Variants in ACVR1 observed in about 807,000 individuals in gnomAD.
ACVR1 encodes activin A receptor type 1.
A neutral mutation model predicts 57.1 loss-of-function variants in ACVR1; 38 were observed. The observed-to-expected ratio is 0.67, with a 90% CI of 0.51 to 0.87. The LOEUF is 0.87. Ranked by LOEUF, ACVR1 falls within the 40% of genes least tolerant of loss-of-function variation. The pLI, the probability that ACVR1 is intolerant of heterozygous loss-of-function variation, is 0.00. For missense variants in ACVR1, 463 were observed against 638.2 expected (o/e 0.73, Z 2.96); for synonymous variants, 212 against 228.1 (o/e 0.93, Z 0.63).
intron 1 of ACVR1, among the ~76,000 whole-genome samples, chr2:157,821,432 C>T (rs1460802635): frequency 1.3e-5 from 2 of 151,724 alleles, no homozygotes; most frequent in Non-Finnish European, 2.9e-5. Flanking sequence ...GTCTGAGGCA[C>T]GAGACTCGCT....
intron 1 of ACVR1, among the ~76,000 whole-genome samples, chr2:157,842,142 A>AG (rs776979519): frequency 8.1e-4 from 123 of 152,260 alleles, no homozygotes; most frequent in Admixed American, 2.0e-3. Flanking sequence ...CACTGTCAAA[A>AG]GAAAAAGTAG....
intron 5 of ACVR1, among the ~76,000 whole-genome samples, chr2:157,776,904 A>G (rs578039364): frequency 6.6e-6 from 1 of 152,248 alleles, no homozygotes; most frequent in Non-Finnish European, 1.5e-5. Context: ...AGTAAAACTG[A>G]ATCACATTAG....
intron 1 of ACVR1, among the ~76,000 whole-genome samples, chr2:157,865,142 G>T (rs1043248626): frequency 1.3e-5 from 2 of 149,248 alleles, no homozygotes; most frequent in African/African-American, 2.5e-5. Flanking sequence ...TTTACTGGAA[G>T]GACCAAAAAA....
intron 9 of ACVR1, among the ~76,000 whole-genome samples, chr2:157,746,014 A>G (rs966185170): frequency 2.0e-5 from 3 of 152,202 alleles, no homozygotes; most frequent in African/African-American, 7.2e-5. Context: ...ACAAGATACA[A>G]ATGGTTTTTG....
chr2:157,795,352 T>C (rs1432803665), intron 3 of ACVR1, among the ~76,000 whole-genome samples: 1 of 150,654 alleles, frequency 6.6e-6, no homozygotes, highest in Non-Finnish European at 1.5e-5. Context: ...CTACTAAATA[T>C]ATAAAAACAA....
chr2:157,828,762 TTTTGTTTG>T (rs144178472), intron 1 of ACVR1, among the ~76,000 whole-genome samples: 1 of 151,914 alleles, frequency 6.6e-6, no homozygotes, highest in African/African-American at 2.4e-5. Flanking sequence ...TTTTTTGTTT[TTTTGTTTG>T]TTTGTTTGTT....
intron 9 of ACVR1, among the ~76,000 whole-genome samples, chr2:157,740,381 C>T (rs1684706530): frequency 6.6e-6 from 1 of 152,066 alleles, no homozygotes; most frequent in Non-Finnish European, 1.5e-5. Context: ...TCCCAGGAAA[C>T]ATTCAAACAA....
chr2:157,872,853 T>A (rs945683936), intron 1 of ACVR1, among the ~76,000 whole-genome samples: 1 of 152,164 alleles, frequency 6.6e-6, no homozygotes, highest in Admixed American at 6.5e-5. Flanking sequence ...CATCACCCAA[T>A]CCAAAAACCA....
intron 9 of ACVR1, among the ~76,000 whole-genome samples, chr2:157,748,440 T>G (rs1478954777): frequency 6.6e-6 from 1 of 152,184 alleles, no homozygotes; most frequent in Non-Finnish European, 1.5e-5. Context: ...CGAAGGTGTT[T>G]AAGAATGATT....
At chr2:157,828,878 T>C (rs898841104) in intron 1 of ACVR1, among the ~76,000 whole-genome samples, 2 of 152,106 alleles carry the variant, frequency 1.3e-5, no homozygotes, top group Non-Finnish European at 2.9e-5. Context: ...GCGATTTTTG[T>C]GCCTCAGCCT....
chr2:157,835,626 G>C (rs1351206255), intron 1 of ACVR1, among the ~76,000 whole-genome samples: 3 of 152,054 alleles, frequency 2.0e-5, no homozygotes, highest in Non-Finnish European at 4.4e-5. Flanking sequence ...GTATTGTGCT[G>C]AATCAGCTCC....
chr2:157,857,343 C>T (rs770988725), intron 1 of ACVR1, among the ~76,000 whole-genome samples: 3 of 151,900 alleles, frequency 2.0e-5, no homozygotes, highest in East Asian at 1.9e-4. Flanking sequence ...CCGACACCCA[C>T]GGTCTCAACA....
intron 1 of ACVR1, among the ~76,000 whole-genome samples, chr2:157,857,465 CA>C (rs1689575335): frequency 6.6e-6 from 1 of 151,940 alleles, no homozygotes; most frequent in South Asian, 2.1e-4. Flanking sequence ...AATACTGTAC[CA>C]GAGAGACCAG....
At chr2:157,770,286 C>T (rs1299919348) in intron 7 of ACVR1, 82 bp downstream of exon 7, 10 of 1,519,618 alleles carry the variant, frequency 6.6e-6, no homozygotes, top group Admixed American at 1.7e-5. Flanking sequence ...CTCGAATTCA[C>T]ATTCACCAAA....
At chr2:157,798,512 G>T (rs1438300013) in intron 3 of ACVR1, among the ~76,000 whole-genome samples, 1 of 122,440 alleles carries the variant, frequency 8.2e-6, no homozygotes, top group African/African-American at 3.1e-5. Context: ...TATCACATTT[G>T]GGCTTTTTTG....
At chr2:157,780,160 A>G (rs1412822901) in intron 4 of ACVR1, among the ~76,000 whole-genome samples, 177 bp downstream of exon 4, 1 of 152,230 alleles carries the variant, frequency 6.6e-6, no homozygotes, top group Non-Finnish European at 1.5e-5. Flanking sequence ...CTTCTTTTAG[A>G]TGCCAAAAGG....
At chr2:157,842,872 C>G (rs1689022669) in intron 1 of ACVR1, among the ~76,000 whole-genome samples, 3 of 151,960 alleles carry the variant, frequency 2.0e-5, no homozygotes. Context: ...TTTCTTTGAT[C>G]TGAAAACCAG....
intron 1 of ACVR1, among the ~76,000 whole-genome samples, chr2:157,870,549 T>C (rs764327278): frequency 2.6e-5 from 4 of 152,212 alleles, no homozygotes; most frequent in African/African-American, 7.2e-5. Flanking sequence ...CACATAAGCA[T>C]GGCCCACCAC....
chr2:157,830,948 T>C (rs532998648), intron 1 of ACVR1, among the ~76,000 whole-genome samples: 37 of 152,250 alleles, frequency 2.4e-4, no homozygotes, highest in African/African-American at 8.9e-4. Flanking sequence ...TTTTTTGTCT[T>C]AGAAACAGGG....
Sources: allele counts gnomAD v4.1 joint callset (sites outside exome capture counted in the v4.1 genomes callset), GRCh38; gene constraint gnomAD v4.1.1; transcripts MANE v1.5; gene names NCBI Gene and HGNC (gene_info 2026-07-23, HGNC 2026-07-21).